Variants in DPP10 observed in about 807,000 individuals in gnomAD.
DPP10 encodes the protein dipeptidyl peptidase like 10, also known as inactive dipeptidyl peptidase 10.
In DPP10, 33 loss-of-function variants were observed where a neutral mutation model predicts 120.9. That is an observed-to-expected ratio of 0.27 (90% CI 0.21 to 0.37). The LOEUF (loss-of-function observed/expected upper bound fraction) is 0.37, where lower values mean the gene tolerates loss of function less well. DPP10 is among the 10% of genes least tolerant of loss of function. The pLI, the probability that DPP10 is intolerant of heterozygous loss-of-function variation, is 1.00. For missense variants in DPP10, 816 were observed against 942.8 expected, an observed-to-expected ratio of 0.87 and a Z score of 1.76; for synonymous variants, 337 against 326.1, an observed-to-expected ratio of 1.03 and a Z score of -0.36.
chr2:115,380,438 A>G (rs1051561266), intron 3 of DPP10, among the ~76,000 whole-genome samples: 6 of 152,010 alleles, frequency 3.9e-5, no homozygotes, highest in Admixed American at 2.0e-4. Flanking sequence ...TTTTGAGCCT[A>G]TGTGTGTCTC....
chr2:114,930,184 C>A (rs191795533), intron 1 of DPP10, among the ~76,000 whole-genome samples: 1 of 152,126 alleles, frequency 6.6e-6, no homozygotes, highest in Non-Finnish European at 1.5e-5. Flanking sequence ...CCTTTAGTCA[C>A]GTTCATCTCT....
In DPP10 at chr2:115,172,036, T is replaced by A. The variant is rs141465959; in HGVS notation, c.61-137203T>A. Among the ~76,000 whole-genome samples the A allele has an allele frequency of 5.6e-3, 848 of 151,210 alleles. 13 individuals carry two copies. Among genetic ancestry groups the A allele is most frequent in the Middle Eastern group, 6.9e-3 (2 of 290 alleles). On this transcript the variant is annotated intron_variant, in intron 1 of 25. Transcript: ENST00000410059. ...CTTCCCCTCTTACACTCAGCATGAATAAGCAACTGCTGATATCTACACACA... is the reference window on the plus strand; with the variant it reads ...CTTCCCCTCTTACACTCAGCATGAAAAAGCAACTGCTGATATCTACACACA...
intron 1 of DPP10, among the ~76,000 whole-genome samples, chr2:114,791,832 G>A (rs766039899): frequency 1.4e-4 from 21 of 152,094 alleles, no homozygotes; most frequent in African/African-American, 4.3e-4. Context: ...ATGCAAACAC[G>A]TTTAGCATTA....
chr2:114,495,891 C>T (rs902481355), intron 1 of DPP10, among the ~76,000 whole-genome samples: 5 of 152,160 alleles, frequency 3.3e-5, no homozygotes, highest in South Asian at 2.1e-4. Flanking sequence ...ATAGACATTA[C>T]ACACACACAG....
chr2:114,947,938 C>T (rs547152524), intron 1 of DPP10, among the ~76,000 whole-genome samples: 2 of 151,944 alleles, frequency 1.3e-5, no homozygotes, highest in South Asian at 4.2e-4. Flanking sequence ...CTTTTTGTTT[C>T]TGTATACTCT....
intron 1 of DPP10, among the ~76,000 whole-genome samples, chr2:114,901,471 C>T (rs541790035): frequency 5.9e-5 from 9 of 152,188 alleles, no homozygotes; most frequent in South Asian, 2.1e-4. Context: ...GCTGGGATTA[C>T]GGGAGTGAGC....
rs532173733 is a variant in DPP10, at chr2:115,073,174, T to C, written c.61-236065T>C. ...CATGTTAAAGAACATTTATTGTCTGTCTAAAATTTAATGTTCATGTGTACA... is the reference window on the plus strand; with the variant it reads ...CATGTTAAAGAACATTTATTGTCTGCCTAAAATTTAATGTTCATGTGTACA... On this transcript the variant is annotated intron_variant, in intron 1 of 25. Coordinates refer to ENST00000410059, the MANE Select transcript of DPP10 (RefSeq NM_020868.6). Among the ~76,000 whole-genome samples, 148 of 152,362 alleles carry C rather than the reference T, an allele frequency of 9.7e-4. 1 individual carries two copies. In the Middle Eastern group the frequency reaches 0.02, roughly 21 times the overall value.
chr2:115,555,202 C>CA (rs767323064), intron 5 of DPP10, among the ~76,000 whole-genome samples: 32 of 151,994 alleles, frequency 2.1e-4, no homozygotes, highest in Non-Finnish European at 3.4e-4. Flanking sequence ...TATATTATTT[C>CA]CTATTTTATA....
At chr2:114,946,932 G>A (rs999990831) in intron 1 of DPP10, among the ~76,000 whole-genome samples, 1 of 151,866 alleles carries the variant, frequency 6.6e-6, no homozygotes, top group Non-Finnish European at 1.5e-5. Context: ...TTATTTCTGG[G>A]AAGAATGTTA....
intron 1 of DPP10, among the ~76,000 whole-genome samples, chr2:114,501,947 T>TTC (rs762788283): frequency 0.044 from 6,450 of 147,738 alleles, 207 homozygotes; most frequent in Middle Eastern, 0.09. Flanking sequence ...TTTTTTTTTT[T>TTC]TTTTTTGAGA....
intron 5 of DPP10, among the ~76,000 whole-genome samples, chr2:115,591,420 C>T (rs1327899716): frequency 6.6e-6 from 1 of 152,220 alleles, no homozygotes; most frequent in South Asian, 2.1e-4. Context: ...GAATTCTTTC[C>T]TCATTTCTTG....
chr2:114,826,898 A>G (rs1418977818), intron 1 of DPP10, among the ~76,000 whole-genome samples: 1 of 152,212 alleles, frequency 6.6e-6, no homozygotes, highest in Non-Finnish European at 1.5e-5. Context: ...ATTGGATAAC[A>G]GGAGTATGAT....
intron 1 of DPP10, among the ~76,000 whole-genome samples, chr2:114,875,890 A>G (rs779388918): frequency 5.2e-4 from 79 of 152,162 alleles, no homozygotes; most frequent in South Asian, 2.1e-4. Flanking sequence ...TAGAGCCCTA[A>G]ATTTCAGCAG....
At chr2:115,411,254 C>T (rs1280760135) in intron 3 of DPP10, among the ~76,000 whole-genome samples, 1 of 152,054 alleles carries the variant, frequency 6.6e-6, no homozygotes, top group South Asian at 2.1e-4. Context: ...ATTGCTTGAA[C>T]CGGGCAGGCG....
At chr2:115,781,171 T>C (rs142781203) in intron 16 of DPP10, among the ~76,000 whole-genome samples, 176 bp downstream of exon 16, 177 of 151,936 alleles carry the variant, frequency 1.2e-3, no homozygotes, top group South Asian at 2.1e-3. Context: ...ACATATTTTG[T>C]ATAGAAATAA....
At position 115,805,298 on chromosome 2, in the gene DPP10, G is replaced by T. The variant is rs191784737; in HGVS notation, c.1701-9495G>T. Among the ~76,000 whole-genome samples the T allele has an allele frequency of 2.0e-5, 3 of 152,198 alleles. No individual in the cohort carries two copies. In the East Asian group the frequency reaches 5.9e-4, roughly 30 times the overall value. On this transcript the variant is annotated intron_variant, in intron 19 of 25. Coordinates refer to ENST00000410059, the MANE Select transcript of DPP10 (RefSeq NM_020868.6). ...GTTGGAAAAGCAAAGTATTAGGGTGGGAGTGACCCGATTTTCCAGGTGCCA... is the reference window on the plus strand; with the variant it reads ...GTTGGAAAAGCAAAGTATTAGGGTGTGAGTGACCCGATTTTCCAGGTGCCA...
At chr2:115,630,868 C>A (rs541229916) in intron 5 of DPP10, among the ~76,000 whole-genome samples, 2 of 151,938 alleles carry the variant, frequency 1.3e-5, no homozygotes, top group Non-Finnish European at 2.9e-5. Context: ...CTGAAATATT[C>A]TTTGTGGTAT....
At chr2:115,586,159 C>G (rs1318911365) in intron 5 of DPP10, among the ~76,000 whole-genome samples, 15 of 152,024 alleles carry the variant, frequency 9.9e-5, no homozygotes, top group Non-Finnish European at 1.9e-4. Context: ...CCCGTCTCTA[C>G]TAAAAAAAAT....
At chr2:114,596,811 AT>A (rs1289747107) in intron 1 of DPP10, among the ~76,000 whole-genome samples, 1 of 151,988 alleles carries the variant, frequency 6.6e-6, no homozygotes, top group Non-Finnish European at 1.5e-5. Flanking sequence ...CAAACTACCA[AT>A]CTGGGCCTTT....
Sources: gnomAD v4.1 joint callset for allele counts (sites outside exome capture counted in the v4.1 genomes callset) on GRCh38, gnomAD v4.1.1 for gene constraint, MANE v1.5 for transcripts, NCBI Gene and HGNC (gene_info 2026-07-23, HGNC 2026-07-21) for gene names.